Variants in GGCX observed in about 807,000 individuals in gnomAD.
The protein encoded by GGCX is gamma-glutamyl carboxylase.
A neutral mutation model predicts 88.5 loss-of-function variants in GGCX; 63 were observed. The ratio of observed to expected loss-of-function variants is 0.71; its 90% CI spans 0.58 to 0.88. The LOEUF (loss-of-function observed/expected upper bound fraction) is 0.88. Ranked by LOEUF, GGCX falls within the 40% of genes least tolerant of loss-of-function variation. The pLI is 0.00. For synonymous variants in GGCX, 368 were observed against 365.8 expected, an observed-to-expected ratio of 1.01 and a Z score of -0.07; for missense variants, 805 against 932.9, an observed-to-expected ratio of 0.86 and a Z score of 1.79.
chr2:85,553,068 G>A lies in GGCX; in HGVS notation c.1158C>T (p.Gly386=), dbSNP rs377764444. 1.7e-5 allele frequency: 28 copies of A among 1,614,046 alleles called. No individual in the cohort carries two copies. In the South Asian group the frequency reaches 2.4e-4, roughly 14 times the overall value. The change falls in exon 9 of 15, where the codon GGC becomes GGT. Residue 386 remains glycine, a splice_region_variant and synonymous_variant. Transcript: ENST00000233838. ...FLPYSHFLTQ[G]YNNWTNGLYG... Reference sequence around the variant, plus strand: ...ACAGCCCATTTGTCCAGTTGTTATAGCCCTGGGAAGGCAGCACAGAGGGGA... The same window carrying A: ...ACAGCCCATTTGTCCAGTTGTTATAACCCTGGGAAGGCAGCACAGAGGGGA...
At position 85,553,164 on chromosome 2, in the gene GGCX, T is replaced by C; in HGVS notation, c.1155+68A>G. On this transcript the variant is annotated intron_variant, in intron 8 of 14. Transcript: ENST00000233838. ...GGGCTGCAAAACCAGCCCCATTCTT[T>C]CCCAACTATTGTCATCCGTTCCTTT... The C allele has an allele frequency of 7.4e-6, 12 of 1,612,264 alleles. 1 individual carries two copies. The South Asian group carries it at 1.3e-4, about 18-fold the overall frequency.
chr2:85,554,299 A>G lies in GGCX; in HGVS notation c.733T>C (p.Leu245=). Residue 245 remains leucine, a synonymous_variant, in exon 7 of 15, where the codon TTG becomes CTG. Transcript: ENST00000233838. The part of the protein sequence containing the change: ...HWLFSPFKLL[L]SEELTSLLVV... ...AGCAGGCTAGTCAGCTCCTCAGACA[A>G]CAGCAGTCTGCAAACACATGGAGAA... The G allele has an allele frequency of 6.2e-7, 1 of 1,613,878 alleles. No homozygotes were observed. Among genetic ancestry groups the G allele is most frequent in the Non-Finnish European group, 8.5e-7 (1 of 1,179,840 alleles).
intron 6 of GGCX, chr2:85,554,573 C>T (rs1370870232): frequency 4.0e-6 from 2 of 496,812 alleles, no homozygotes; most frequent in Non-Finnish European, 3.7e-6. Flanking sequence ...TCAAGCAATC[C>T]TCCTGTCTCA....
chr2:85,561,068 AGCTTCC>A (rs1692428224), intron 1 of GGCX, 83 bp from the exon 2 acceptor site: 2 of 1,211,476 alleles, frequency 1.7e-6, no homozygotes, highest in Non-Finnish European at 2.4e-6. Flanking sequence ...AACAGCTCAG[AGCTTCC>A]GCCCACCCGG....
rs1692059067 is a variant in GGCX, at chr2:85,553,367, A to G, written c.1020T>C (p.Ser340=). 1 of 1,614,192 alleles carries G rather than the reference A, an allele frequency of 6.2e-7. No homozygotes were observed. Among genetic ancestry groups the G allele is most frequent in the Non-Finnish European group, 8.5e-7 (1 of 1,180,036 alleles). ...GGCTCCTCTTATACACACAGGAAAC[A>G]CTGGGCTGAGGGGCTGCCTTGAGGG... ...LLPLKAAPQP[S]VSCVYKRSRG... is the part of the protein sequence containing the mutation. The change falls in exon 8 of 15, where the codon AGT becomes AGC. Residue 340 remains serine, a synonymous_variant. Coordinates refer to ENST00000233838, the MANE Select transcript of GGCX (RefSeq NM_000821.7).
intron 4 of GGCX, among the ~76,000 whole-genome samples, chr2:85,557,606 ATGTG>A (rs1203926003): frequency 6.6e-6 from 1 of 152,132 alleles, no homozygotes; most frequent in African/African-American, 2.4e-5. Flanking sequence ...GGGGTTTTGT[ATGTG>A]TGTATTAACA....
chr2:85,547,107 C>T lies in GGCX; in HGVS notation c.*2827G>A, dbSNP rs531945294. 16 of 152,264 alleles carry T rather than the reference C, an allele frequency of 1.1e-4. No individual in the cohort carries two copies. Among genetic ancestry groups the T allele is most frequent in the African/African-American group, 2.7e-4 (11 of 41,502 alleles). The allele number at this position is 152,264 out of a possible 1,614,324, so 9.4% of individuals were successfully genotyped here. A position where few individuals can be genotyped will look rare whatever the true frequency, so the allele number is the denominator to read the frequency against. ...ATAAGGTGGTGGAGGAACATTAGGC[C>T]ACAGGGAGCAGAGGGAAAGCATAAC... On this transcript the variant is annotated 3_prime_UTR_variant, in exon 15 of 15. Coordinates refer to ENST00000233838, the MANE Select transcript of GGCX (RefSeq NM_000821.7).
Position 85,551,952 on chromosome 2 carries a change from T to G in GGCX, c.1469A>C (p.Gln490Pro). 6.2e-7 allele frequency: 1 copy of G among 1,614,078 alleles called. No individual in the cohort carries two copies. ...GCGCTGAAAGGGTGACCAAGCGGCCTGCACGATGTCCACACGAGGGTCAAA... is the reference window on the plus strand; with the variant it reads ...GCGCTGAAAGGGTGACCAAGCGGCCGGCACGATGTCCACACGAGGGTCAAA... ...RIFDPRVDIV[Q>P]AAWSPFQRTS... The change falls in exon 11 of 15, where the codon CAG (glutamine) becomes CCG (proline). Residue 490 changes from glutamine (Q) to proline (P), a missense_variant. Around this residue, in one of 3 missense-constraint regions of GGCX, gnomAD observed 680 missense variants for 763.7 expected, o/e 0.89. Coordinates refer to ENST00000233838, the MANE Select transcript of GGCX (RefSeq NM_000821.7).
Position 85,549,854 on chromosome 2 carries a change from T to G in GGCX, c.*80A>C, listed in dbSNP as rs1691846573. 1 of 1,040,240 alleles carries G rather than the reference T, an allele frequency of 9.6e-7. No individual in the cohort carries two copies. Among genetic ancestry groups the G allele is most frequent in the Non-Finnish European group, 1.5e-6 (1 of 682,284 alleles). 64.4% of individuals were successfully genotyped at this position (1,040,240 alleles called of 1,614,324 possible). ...AAAAAAAAAAAAAACTTTTGAGAAT[T>G]TTTTTCAAATAAATGTCCATTGCAT... On this transcript the variant is annotated 3_prime_UTR_variant, in exon 15 of 15. Coordinates refer to ENST00000233838, the MANE Select transcript of GGCX (RefSeq NM_000821.7).
Position 85,553,253 on chromosome 2 carries a change from G to A in GGCX, c.1134C>T (p.Pro378=), listed in dbSNP as rs1229148551. Residue 378 remains proline, a synonymous_variant, in exon 8 of 15, where the codon CCC becomes CCT. Transcript: ENST00000233838. ...AAACCTGGGTGAGAAAATGAGAATA[G>A]GGCAGGAATAGCTGCTCCAGGAGGT... The part of the protein sequence containing the change: ...LLYLLEQLFL[P]YSHFLTQGYN... The A allele has an allele frequency of 6.2e-7, 1 of 1,614,254 alleles. No homozygotes were observed.
At chr2:85,550,443 A>T in intron 14 of GGCX, 112 bp downstream of exon 14, 1 of 802,892 alleles carries the variant, frequency 1.2e-6, no homozygotes, top group Non-Finnish European at 2.2e-6. Context: ...AAAGATACCT[A>T]GAGCTAAACT....
intron 10 of GGCX, 60 bp from the exon 11 acceptor site, chr2:85,552,041 G>C (rs1691982383): frequency 2.4e-6 from 3 of 1,252,838 alleles, no homozygotes; most frequent in Non-Finnish European, 3.5e-6. Flanking sequence ...AGAACTTCCA[G>C]TTCTCTCCCT....
Position 85,549,879 on chromosome 2 carries a change from T to A in GGCX, c.*55A>T. 1 of 1,110,182 alleles carries A rather than the reference T, an allele frequency of 9.0e-7. No homozygotes were observed. The highest frequency in any genetic ancestry group is 1.3e-6 in the Non-Finnish European group (1 of 741,352). The allele number at this position is 1,110,182 out of a possible 1,614,324, so 68.8% of individuals were successfully genotyped here. Reference sequence around the variant, plus strand: ...TTTTTTCAAATAAATGTCCATTGCATAGAATGGGTCTGTGACTGGCTGCTT... The same window carrying A: ...TTTTTTCAAATAAATGTCCATTGCAAAGAATGGGTCTGTGACTGGCTGCTT... On this transcript the variant is annotated 3_prime_UTR_variant, in exon 15 of 15. Coordinates refer to ENST00000233838, the MANE Select transcript of GGCX (RefSeq NM_000821.7).
In GGCX at chr2:85,546,400, G is replaced by GT. The variant is rs1691667380; in HGVS notation, c.*3533dup. The GT allele has an allele frequency of 6.6e-6, 1 of 151,528 alleles. No individual in the cohort carries two copies. Among genetic ancestry groups the GT allele is most frequent in the African/African-American group, 2.4e-5 (1 of 40,986 alleles). 9.4% of individuals were successfully genotyped at this position (151,528 alleles called of 1,614,324 possible). A position where few individuals can be genotyped will look rare whatever the true frequency, so the allele number is the denominator to read the frequency against. On this transcript the variant is annotated 3_prime_UTR_variant, in exon 15 of 15. Coordinates refer to ENST00000233838, the MANE Select transcript of GGCX (RefSeq NM_000821.7). ...ATCGTGCCACCACACTCCGGCCAGG[G>GT]TAACAGAGTGAGACTTAAAAAAAAA...
Position 85,553,988 on chromosome 2 carries a change from C to T in GGCX, c.889+155G>A, listed in dbSNP as rs572507594. On this transcript the variant is annotated intron_variant, in intron 7 of 14. Transcript: ENST00000233838. ...CTAACTGAGCCCAGAAGCCCCAGTCCTCTTATCCCCATTTATGCCTACTTC... is the reference window on the plus strand; with the variant it reads ...CTAACTGAGCCCAGAAGCCCCAGTCTTCTTATCCCCATTTATGCCTACTTC... Among the ~76,000 whole-genome samples, 153 of 152,288 alleles carry T rather than the reference C, an allele frequency of 1.0e-3. 1 individual carries two copies. Among genetic ancestry groups the T allele is most frequent in the African/African-American group, 3.6e-3 (148 of 41,550 alleles).
chr2:85,551,007 G>C lies in GGCX; in HGVS notation c.1806C>G (p.Val602=), dbSNP rs143538795. The C allele has an allele frequency of 1.4e-3, 2,294 of 1,613,454 alleles. 21 individuals carry two copies. In the African/African-American group the frequency reaches 0.025, roughly 17 times the overall value. Residue 602 remains valine, a synonymous_variant, in exon 13 of 15, where the codon GTC becomes GTG. Transcript: ENST00000233838. ...TSPSPSCYMY[V]YVNTTELALE... ...GTGCAAGCTCTGTAGTGTTGACATA[G>C]ACGTACATGTAGCAAGAAGGGCTAG...
chr2:85,557,767 A>AATAAAAAG (rs1692264512), intron 4 of GGCX, among the ~76,000 whole-genome samples: 1 of 152,186 alleles, frequency 6.6e-6, no homozygotes, highest in African/African-American at 2.4e-5. Flanking sequence ...AATAAAAAGA[A>AATAAAAAG]AAATAAATAA....
At position 85,547,034 on chromosome 2, in the gene GGCX, G is replaced by C. The variant is rs1182207929; in HGVS notation, c.*2900C>G. On this transcript the variant is annotated 3_prime_UTR_variant, in exon 15 of 15. Transcript: ENST00000233838. ...CCTTGAGGGAGCTTGTGGACCAAGG[G>C]GATAGTGTTGTCCTGCCCAGCCTAG... 1.3e-5 allele frequency: 2 copies of C among 152,208 alleles called. No homozygotes were observed. Among genetic ancestry groups the C allele is most frequent in the African/African-American group, 4.8e-5 (2 of 41,440 alleles). 9.4% of individuals were successfully genotyped at this position (152,208 alleles called of 1,614,324 possible). A position where few individuals can be genotyped will look rare whatever the true frequency, so the allele number is the denominator to read the frequency against.
intron 2 of GGCX, among the ~76,000 whole-genome samples, chr2:85,560,460 G>A (rs1304127841): frequency 1.3e-5 from 2 of 152,002 alleles, no homozygotes; most frequent in African/African-American, 2.4e-5. Flanking sequence ...AAAATTAGCC[G>A]GGTGTGGTGG....
Sources: gnomAD v4.1 joint callset for allele counts (sites outside exome capture counted in the v4.1 genomes callset) on GRCh38, gnomAD v4.1.1 for gene constraint, gnomAD v4.1.1 regional missense constraint, MANE v1.5 for transcripts, NCBI Gene and HGNC (gene_info 2026-07-23, HGNC 2026-07-21) for gene names.